KLKB1: variants seen among roughly 807,000 people sequenced by gnomAD.
KLKB1 encodes plasma kallikrein.
KLKB1 carries 58 observed loss-of-function variants against 73.6 expected under a neutral mutation model. That is an observed-to-expected ratio of 0.79 (90% CI 0.64 to 0.98). KLKB1 has a LOEUF of 0.98. Ranked by LOEUF, KLKB1 falls within the 50% of genes least tolerant of loss-of-function variation. The pLI is 0.00. For synonymous variants in KLKB1, 280 were observed against 258.1 expected (o/e 1.08, Z -0.81); for missense variants, 737 against 763.8 (o/e 0.96, Z 0.41).
At chr4:186,248,121 G>T (rs1738476360) in intron 6 of KLKB1, among the ~76,000 whole-genome samples, 1 of 152,152 alleles carries the variant, frequency 6.6e-6, no homozygotes, top group Non-Finnish European at 1.5e-5. Flanking sequence ...GATGGCAGAT[G>T]CCTGTAGTCC....
chr4:186,250,290 G>A lies in KLKB1; in HGVS notation c.646G>A (p.Val216Ile), dbSNP rs1738595014. The A allele has an allele frequency of 1.2e-6, 2 of 1,614,126 alleles. No homozygotes were observed. The highest frequency in any genetic ancestry group is 1.7e-6 in the Non-Finnish European group (2 of 1,179,984). Residue 216 changes from valine to isoleucine, a missense_variant, in exon 7 of 15, where the codon GTT (valine) becomes ATT (isoleucine). Transcript: ENST00000264690. Reference protein sequence around the residue: ...FQHLAFSDVDVARVLTPDAFV... With the variant: ...FQHLAFSDVDIARVLTPDAFV... ...GCATCTTGCGTTCTCAGATGTGGAT[G>A]TTGCCAGGGTTCTCACTCCAGATGC...
At chr4:186,240,275 ATATTGT>A (rs1181048647) in intron 6 of KLKB1, among the ~76,000 whole-genome samples, 2 of 152,020 alleles carry the variant, frequency 1.3e-5, no homozygotes, top group Admixed American at 6.5e-5. Flanking sequence ...AGGTACAGTG[ATATTGT>A]TATAGTTATA....
chr4:186,246,182 G>A (rs1048757433), intron 6 of KLKB1, among the ~76,000 whole-genome samples: 3 of 152,136 alleles, frequency 2.0e-5, no homozygotes, highest in African/African-American at 7.2e-5. Flanking sequence ...AGGAGCAGAG[G>A]CTGAGGAAGA....
intron 6 of KLKB1, among the ~76,000 whole-genome samples, chr4:186,239,922 T>G: frequency 6.7e-6 from 1 of 148,634 alleles, no homozygotes. Flanking sequence ...ATAGGTACAG[T>G]GATATTGTTA....
intron 12 of KLKB1, among the ~76,000 whole-genome samples, 168 bp from the exon 13 acceptor site, chr4:186,255,824 G>T (rs375462574): frequency 3.9e-5 from 6 of 152,192 alleles, no homozygotes; most frequent in Non-Finnish European, 8.8e-5. Flanking sequence ...AAAAATGGTG[G>T]TGACAAATTT....
At chr4:186,246,366 C>A (rs1396150432) in intron 6 of KLKB1, among the ~76,000 whole-genome samples, 1 of 139,770 alleles carries the variant, frequency 7.2e-6, no homozygotes, top group African/African-American at 2.7e-5. Context: ...AGATTTGGGA[C>A]AAGTTGCATT....
chr4:186,256,371 T>A (rs1224635417), intron 13 of KLKB1, among the ~76,000 whole-genome samples: 2 of 152,226 alleles, frequency 1.3e-5, no homozygotes, highest in African/African-American at 2.4e-5. Flanking sequence ...GACAAGCCCG[T>A]GCAAGACCAC....
chr4:186,212,892 G>A (rs1189414942), intron 2 of KLKB1: 1 of 152,190 alleles, frequency 6.6e-6, no homozygotes, highest in African/African-American at 2.4e-5. Flanking sequence ...AAAAGTCAAG[G>A]AAGGAGGTGA....
At chr4:186,245,678 C>A (rs905384601) in intron 6 of KLKB1, among the ~76,000 whole-genome samples, 33 of 152,072 alleles carry the variant, frequency 2.2e-4, no homozygotes, top group African/African-American at 8.0e-4. Flanking sequence ...TGTCTCACAG[C>A]AGAGGCAAGG....
intron 4 of KLKB1, among the ~76,000 whole-genome samples, chr4:186,236,074 A>C (rs1038301805): frequency 1.2e-4 from 17 of 145,930 alleles, no homozygotes; most frequent in Middle Eastern, 3.7e-3. Flanking sequence ...AGATCGCGCC[A>C]CTGCGCTCCA....
At chr4:186,251,417 C>G in intron 8 of KLKB1, 70 bp from the exon 9 acceptor site, 1 of 1,548,320 alleles carries the variant, frequency 6.5e-7, no homozygotes, top group Non-Finnish European at 8.9e-7. Flanking sequence ...CTCAAGGTAA[C>G]AGAAACTTGT....
chr4:186,224,098 G>A (rs1579988065), upstream of KLKB1, among the ~76,000 whole-genome samples: 1 of 152,244 alleles, frequency 6.6e-6, no homozygotes, highest in African/African-American at 2.4e-5. Flanking sequence ...GGGTCTGCGA[G>A]TTCACAGAAA....
At chr4:186,240,675 T>C (rs992600506) in intron 6 of KLKB1, among the ~76,000 whole-genome samples, 1 of 152,176 alleles carries the variant, frequency 6.6e-6, no homozygotes, top group African/African-American at 2.4e-5. Context: ...GATTTCCCTG[T>C]GGAAGATTGG....
chr4:186,249,892 A>G (rs1738573877), intron 6 of KLKB1, among the ~76,000 whole-genome samples: 1 of 148,400 alleles, frequency 6.7e-6, no homozygotes, highest in South Asian at 2.1e-4. Context: ...AATATTCAGG[A>G]AAATACAACA....
At chr4:186,215,069 A>G (rs576083738) in intron 2 of KLKB1, among the ~76,000 whole-genome samples, 3 of 152,202 alleles carry the variant, frequency 2.0e-5, no homozygotes, top group Admixed American at 6.5e-5. Flanking sequence ...TCAGATTCCT[A>G]TATAAAAATG....
intron 11 of KLKB1, among the ~76,000 whole-genome samples, chr4:186,254,216 C>T (rs1385195816): frequency 1.3e-5 from 2 of 152,230 alleles, no homozygotes; most frequent in African/African-American, 4.8e-5. Context: ...GACTTCTTGA[C>T]AGTTCTGAAT....
At chr4:186,240,121 C>G (rs913850391) in intron 6 of KLKB1, among the ~76,000 whole-genome samples, 2 of 121,070 alleles carry the variant, frequency 1.7e-5, no homozygotes, top group African/African-American at 5.5e-5. Flanking sequence ...TGATATAGGA[C>G]AGTGATACTG....
intron 2 of KLKB1, among the ~76,000 whole-genome samples, chr4:186,229,531 TATTC>T (rs1178775457): frequency 2.0e-5 from 3 of 152,192 alleles, no homozygotes; most frequent in African/African-American, 7.2e-5. Flanking sequence ...CTTATGCTCT[TATTC>T]AGTTATTTCT....
Position 186,238,342 on chromosome 4 carries a change from AG to A in KLKB1, c.576del (p.Lys192AsnfsTer12). 1 of 1,613,324 alleles carries A rather than the reference AG, an allele frequency of 6.2e-7. No individual in the cohort carries two copies. Among genetic ancestry groups the A allele is most frequent in the Non-Finnish European group, 8.5e-7 (1 of 1,179,282 alleles). On this transcript the variant is annotated frameshift_variant, in exon 6 of 15. Coordinates refer to ENST00000264690, the MANE Select transcript of KLKB1 (RefSeq NM_000892.5). LOFTEE classifies it high-confidence loss of function. ...AACGTGGAATCTGGATTCTCACTGA[AG>A]CCCTGTGCCCTTTCAGAAATTGGTA... is the stretch of plus-strand genomic sequence containing the variant. ...LSNVESGFSLKPCALSEIGCH... is the reference protein window; with the variant it reads ...LSNVESGFSLXPCALSEIGCH...
Sources: allele counts gnomAD v4.1 joint callset (sites outside exome capture counted in the v4.1 genomes callset), GRCh38; gene constraint gnomAD v4.1.1; transcripts MANE v1.5; gene names NCBI Gene and HGNC (gene_info 2026-07-23, HGNC 2026-07-21).